The following CDH13 variants were observed in gnomAD, a reference collection of about 807,000 sequenced individuals.
CDH13 encodes cadherin 13.
A neutral mutation model predicts 63.8 loss-of-function variants in CDH13; 24 were observed. That is an observed-to-expected ratio of 0.38 (90% CI 0.27 to 0.53). The LOEUF is 0.53. Among genes scored for constraint, CDH13 ranks in the 20% least tolerant of loss-of-function variants. The pLI, the probability that CDH13 is intolerant of heterozygous loss-of-function variation, is 0.85. For missense variants in CDH13, 1,049 were observed against 903.1 expected, an observed-to-expected ratio of 1.16 and a Z score of -2.07; for synonymous variants, 503 against 355.3, an observed-to-expected ratio of 1.42 and a Z score of -4.67.
chr16:82,795,741 C>T (rs906567593), intron 1 of CDH13, among the ~76,000 whole-genome samples: 6 of 152,208 alleles, frequency 3.9e-5, no homozygotes, highest in African/African-American at 1.2e-4. Context: ...GAGCTCTGGA[C>T]GTCCACCAGG....
At chr16:83,590,142 T>G (rs981783638) in intron 7 of CDH13, among the ~76,000 whole-genome samples, 1 of 152,190 alleles carries the variant, frequency 6.6e-6, no homozygotes, top group Non-Finnish European at 1.5e-5. Flanking sequence ...CATTATCCTG[T>G]AGCCACTGAA....
At chr16:83,103,463 G>C (rs7195554) in intron 3 of CDH13, among the ~76,000 whole-genome samples, 14,844 of 148,682 alleles carry the variant, frequency 0.1, 898 homozygotes, top group African/African-American at 0.18. Context: ...CCAGGCTGGT[G>C]TCGAACTCCT....
chr16:83,303,296 A>C (rs2089793323), intron 5 of CDH13, among the ~76,000 whole-genome samples: 1 of 152,222 alleles, frequency 6.6e-6, no homozygotes, highest in South Asian at 2.1e-4. Flanking sequence ...ATTAGCCTAG[A>C]AAATCAAAGG....
At chr16:82,932,885 T>C (rs2042543730) in intron 2 of CDH13, among the ~76,000 whole-genome samples, 2 of 152,200 alleles carry the variant, frequency 1.3e-5, no homozygotes, top group Admixed American at 1.3e-4. Flanking sequence ...AGTAGAGAAG[T>C]TGACTAGTAG....
intron 5 of CDH13, among the ~76,000 whole-genome samples, chr16:83,275,559 C>T (rs1232908639): frequency 1.0e-5 from 1 of 98,368 alleles, no homozygotes; most frequent in African/African-American, 4.4e-5. Flanking sequence ...GGAGAAGATG[C>T]AGGGGAGCTC....
chr16:83,393,865 G>T (rs28424191), intron 6 of CDH13, among the ~76,000 whole-genome samples: 3,262 of 152,224 alleles, frequency 0.021, 99 homozygotes, highest in African/African-American at 0.071. Context: ...TAGGCAATGA[G>T]AACTGTAGAG....
chr16:83,588,318 G>A lies in CDH13; in HGVS notation c.961-14136G>A, dbSNP rs557653786. Among the ~76,000 whole-genome samples, 3 of 152,320 alleles carry A rather than the reference G, an allele frequency of 2.0e-5. No homozygotes were observed. The East Asian group carries it at 5.8e-4, about 29-fold the overall frequency. On this transcript the variant is annotated intron_variant, in intron 7 of 13. Transcript: ENST00000567109. ...TGCCTTTGGACCTGTAACATCTGCA[G>A]ACCATGAGAGCAACCTGAGGCCAAA...
chr16:82,713,075 G>C (rs1268886849), intron 1 of CDH13, among the ~76,000 whole-genome samples: 3 of 139,508 alleles, frequency 2.2e-5, no homozygotes, highest in Non-Finnish European at 4.8e-5. Flanking sequence ...GTGTGTGTGT[G>C]TTTAGGGAAG....
At chr16:83,447,527 G>C (rs561565859) in intron 6 of CDH13, among the ~76,000 whole-genome samples, 5 of 152,214 alleles carry the variant, frequency 3.3e-5, no homozygotes, top group South Asian at 4.1e-4. Flanking sequence ...CCAAAGAGCA[G>C]ATAAACACCA....
intron 8 of CDH13, among the ~76,000 whole-genome samples, chr16:83,667,518 G>A (rs1914104203): frequency 6.6e-6 from 1 of 152,088 alleles, no homozygotes; most frequent in South Asian, 2.1e-4. Context: ...CTGCTCATGT[G>A]TTGGGCACTG....
At chr16:83,225,832 G>C (rs1478680671) in intron 5 of CDH13, among the ~76,000 whole-genome samples, 1 of 152,138 alleles carries the variant, frequency 6.6e-6, no homozygotes, top group Non-Finnish European at 1.5e-5. Context: ...ACTATAACTT[G>C]TCTGTACCCC....
chr16:83,309,288 T>C (rs947715945), intron 5 of CDH13, among the ~76,000 whole-genome samples: 3 of 152,174 alleles, frequency 2.0e-5, no homozygotes, highest in Admixed American at 2.0e-4. Context: ...AAAAGATCTA[T>C]ATCGAAGTCA....
At chr16:83,333,996 T>A (rs2090533064) in intron 5 of CDH13, among the ~76,000 whole-genome samples, 1 of 152,084 alleles carries the variant, frequency 6.6e-6, no homozygotes, top group South Asian at 2.1e-4. Context: ...AAAATCAAGG[T>A]GTCCGCAGGG....
chr16:83,496,743 A>T (rs1567712488), intron 7 of CDH13, among the ~76,000 whole-genome samples: 2 of 152,146 alleles, frequency 1.3e-5, no homozygotes, highest in African/African-American at 2.4e-5. Context: ...AATGGGGAAA[A>T]TTTTCGCAAC....
At chr16:83,509,036 A>G (rs2074493314) in intron 7 of CDH13, among the ~76,000 whole-genome samples, 1 of 152,136 alleles carries the variant, frequency 6.6e-6, no homozygotes. Flanking sequence ...CATCACAGAA[A>G]CCCTCTGCCC....
intron 8 of CDH13, among the ~76,000 whole-genome samples, chr16:83,624,664 G>C (rs1207813126): frequency 5.3e-5 from 8 of 152,064 alleles, no homozygotes; most frequent in Admixed American, 5.2e-4. Context: ...AATAGGCCAT[G>C]GATCAGTACA....
chr16:83,630,710 T>G (rs1910701780), intron 8 of CDH13, among the ~76,000 whole-genome samples: 1 of 152,196 alleles, frequency 6.6e-6, no homozygotes, highest in Admixed American at 6.5e-5. Context: ...CCTGCACCTG[T>G]GAAGATGAGC....
chr16:82,970,038 T>A (rs1017393727), intron 2 of CDH13, among the ~76,000 whole-genome samples: 2 of 152,114 alleles, frequency 1.3e-5, no homozygotes, highest in African/African-American at 2.4e-5. Context: ...GCTGCATCTG[T>A]CAATCCGTCA....
intron 6 of CDH13, among the ~76,000 whole-genome samples, chr16:83,481,621 G>C (rs2073767344): frequency 6.6e-6 from 1 of 152,202 alleles, no homozygotes; most frequent in Admixed American, 6.5e-5. Context: ...TGGCGGCCGT[G>C]TCCTTCGGCA....
Sources: allele counts gnomAD v4.1 joint callset (sites outside exome capture counted in the v4.1 genomes callset), GRCh38; gene constraint gnomAD v4.1.1; transcripts MANE v1.5; gene names NCBI Gene and HGNC (gene_info 2026-07-23, HGNC 2026-07-21).